BRD10: variants seen among roughly 807,000 people sequenced by gnomAD.
The protein encoded by BRD10 is uncharacterized bromodomain-containing protein 10.
the BRD10 span, among the ~76,000 whole-genome samples, chr9:5,959,108 G>C: frequency 1.3e-5 from 2 of 152,018 alleles, no homozygotes; most frequent in Admixed American, 6.6e-5. Flanking sequence ...TTAGAATATT[G>C]AATCAGTTGC....
chr9:5,907,211 T>G, the BRD10 span: 2 of 324,084 alleles, frequency 6.2e-6, no homozygotes, highest in Non-Finnish European at 5.5e-6. Flanking sequence ...AGTACAGATA[T>G]TTTCTTAATT....
At chr9:5,941,939 C>A in the BRD10 span, among the ~76,000 whole-genome samples, 2 of 152,010 alleles carry the variant, frequency 1.3e-5, no homozygotes, top group Non-Finnish European at 2.9e-5. Flanking sequence ...TTATATGAAT[C>A]CATGTTAAAT....
the BRD10 span, among the ~76,000 whole-genome samples, chr9:5,985,478 A>C: frequency 4.6e-5 from 7 of 152,362 alleles, no homozygotes; most frequent in African/African-American, 1.7e-4. Context: ...CAAAGGGCTT[A>C]TATCCAGAAT....
chr9:5,976,300 C>T, the BRD10 span, among the ~76,000 whole-genome samples: 1 of 152,080 alleles, frequency 6.6e-6, no homozygotes, highest in Admixed American at 6.6e-5. Context: ...TACCATGAAA[C>T]TGAATTTCTC....
At chr9:5,980,836 T>C in the BRD10 span, among the ~76,000 whole-genome samples, 3 of 152,188 alleles carry the variant, frequency 2.0e-5, no homozygotes, top group Non-Finnish European at 2.9e-5. Context: ...GCTATCTTGA[T>C]CTCAAACTTC....
At chr9:5,940,962 C>T in the BRD10 span, among the ~76,000 whole-genome samples, 1 of 151,794 alleles carries the variant, frequency 6.6e-6, no homozygotes, top group Admixed American at 6.6e-5. Context: ...AGGTTTTTTT[C>T]CTTATAAATA....
the BRD10 span, chr9:5,968,977 A>C: frequency 6.2e-7 from 1 of 1,609,830 alleles, no homozygotes; most frequent in South Asian, 1.1e-5. Context: ...GTAGTTCGTG[A>C]AAAGGTTTTT....
chr9:5,955,355 T>A, the BRD10 span, among the ~76,000 whole-genome samples: 1 of 152,132 alleles, frequency 6.6e-6, no homozygotes, highest in Non-Finnish European at 1.5e-5. Flanking sequence ...TCACAATCAT[T>A]TGCAGACTAA....
At chr9:5,971,046 A>C in the BRD10 span, among the ~76,000 whole-genome samples, 115,150 of 121,028 alleles carry the variant, frequency 0.95, 54,999 homozygotes, top group Non-Finnish European at 0.98. Flanking sequence ...GAGCTAAGCA[A>C]CGTCTCAAAA....
the BRD10 span, among the ~76,000 whole-genome samples, chr9:5,977,792 G>T: frequency 1.3e-5 from 2 of 152,112 alleles, no homozygotes; most frequent in Non-Finnish European, 2.9e-5. Context: ...CCAAGATCAC[G>T]TCACTGCACT....
chr9:5,964,940 A>C, the BRD10 span, among the ~76,000 whole-genome samples: 2 of 148,238 alleles, frequency 1.3e-5, no homozygotes, highest in African/African-American at 5.0e-5. Context: ...GAGCATTGGG[A>C]GATATACCTA....
chr9:5,960,386 A>C, the BRD10 span, among the ~76,000 whole-genome samples: 6,996 of 152,104 alleles, frequency 0.046, 425 homozygotes, highest in African/African-American at 0.14. Context: ...ACATGGTGAA[A>C]TCTCATCTCT....
At chr9:5,888,560 T>A in the BRD10 span, among the ~76,000 whole-genome samples, 1 of 152,212 alleles carries the variant, frequency 6.6e-6, no homozygotes. Context: ...ATTTGCAACA[T>A]CGACAATGCA....
chr9:5,921,233 C>T, the BRD10 span: 2 of 1,613,870 alleles, frequency 1.2e-6, no homozygotes, highest in East Asian at 4.5e-5. Context: ...TGGCACAGTG[C>T]CTGAAGTATT....
the BRD10 span, among the ~76,000 whole-genome samples, chr9:5,988,881 A>G: frequency 6.6e-6 from 1 of 152,220 alleles, no homozygotes. Flanking sequence ...AAAATGTACA[A>G]TAATACAGAA....
At chr9:5,933,832 T>G in the BRD10 span, 1 of 470,860 alleles carries the variant, frequency 2.1e-6, no homozygotes, top group Non-Finnish European at 4.4e-6. Flanking sequence ...GGCTGGAGTG[T>G]GGCAAGGAGA....
the BRD10 span, chr9:5,891,005 C>T: frequency 6.6e-6 from 1 of 152,154 alleles, no homozygotes; most frequent in South Asian, 2.1e-4. Flanking sequence ...GAAATTCTGG[C>T]TAAGTCCTCT....
At chr9:5,943,973 C>G in the BRD10 span, among the ~76,000 whole-genome samples, 3 of 152,136 alleles carry the variant, frequency 2.0e-5, no homozygotes, top group Non-Finnish European at 2.9e-5. Flanking sequence ...ACCAACATGT[C>G]TTTCCTAACA....
At chr9:5,923,225 T>G in the BRD10 span, 5 of 1,613,956 alleles carry the variant, frequency 3.1e-6, no homozygotes, top group Non-Finnish European at 4.2e-6. Context: ...AAGCAGTGTC[T>G]TCGGTAAGTC....
Sources: gnomAD v4.1 joint callset for allele counts (sites outside exome capture counted in the v4.1 genomes callset) on GRCh38, gnomAD v4.1.1 for gene constraint, MANE v1.5 for transcripts, NCBI Gene and HGNC (gene_info 2026-07-23, HGNC 2026-07-21) for gene names.